Variants in SEMA3D observed in about 807,000 individuals in gnomAD.
The protein encoded by SEMA3D is semaphorin 3D, also known as semaphorin-3D.
SEMA3D carries 84 observed loss-of-function variants against 100.1 expected under a neutral mutation model. The observed-to-expected ratio is 0.84, with a 90% CI of 0.70 to 1.01. The LOEUF (loss-of-function observed/expected upper bound fraction) is 1.01. Among genes scored for constraint, SEMA3D ranks in the 50% least tolerant of loss-of-function variants. The probability of loss-of-function intolerance (pLI) is 0.00; values close to 1 mark genes in which losing one functional copy is unlikely to be tolerated. For synonymous variants in SEMA3D, 312 were observed against 320.7 expected (o/e 0.97, Z 0.29); for missense variants, 875 against 934.1 (o/e 0.94, Z 0.82).
At chr7:85,013,161 A>C (rs1310631877) in intron 16 of SEMA3D, among the ~76,000 whole-genome samples, 2 of 151,776 alleles carry the variant, frequency 1.3e-5, no homozygotes, top group Admixed American at 1.3e-4. Context: ...GTTTTATATA[A>C]TTAAAATGAG....
At chr7:85,231,502 CAGT>C in the SEMA3D span, among the ~76,000 whole-genome samples, 71,401 of 140,042 alleles carry the variant, frequency 0.51, 19,392 homozygotes, top group East Asian at 0.93. Context: ...GGCTGGAGTG[CAGT>C]AGTGGGGCGA....
At chr7:85,125,744 A>C (rs781518650) in intron 2 of SEMA3D, among the ~76,000 whole-genome samples, 4 of 151,890 alleles carry the variant, frequency 2.6e-5, no homozygotes, top group Non-Finnish European at 5.9e-5. Context: ...ACGTCTTGCC[A>C]ACAACCTCCT....
chr7:85,175,054 G>A lies in SEMA3D; in HGVS notation c.-173+11624C>T, dbSNP rs1289885510. Among the ~76,000 whole-genome samples the A allele has an allele frequency of 2.0e-5, 3 of 152,094 alleles. 1 individual carries two copies. Among genetic ancestry groups the A allele is most frequent in the East Asian group, 3.9e-4 (2 of 5,190 alleles). On this transcript the variant is annotated intron_variant, in intron 1 of 18. Transcript: ENST00000284136. ...GTACGATTATTGAATGTAATAAAGG[G>A]TTGCAATTATACAAAAGAATGATTG...
intron 4 of SEMA3D, among the ~76,000 whole-genome samples, chr7:85,097,317 A>C (rs995519919): frequency 3.3e-5 from 5 of 151,846 alleles, no homozygotes; most frequent in African/African-American, 1.2e-4. Context: ...GACTTGTAGG[A>C]GAAACCTGTT....
upstream of SEMA3D, among the ~76,000 whole-genome samples, chr7:85,189,458 A>C (rs1392548868): frequency 6.6e-6 from 1 of 152,198 alleles, no homozygotes; most frequent in South Asian, 2.1e-4. Context: ...AATTCTTAAA[A>C]TAAAACCCAG....
intron 1 of SEMA3D, among the ~76,000 whole-genome samples, chr7:85,158,081 T>A (rs548856470): frequency 6.6e-6 from 1 of 152,218 alleles, no homozygotes; most frequent in South Asian, 2.1e-4. Flanking sequence ...CTCAGGACCG[T>A]GTGATTATTG....
intron 3 of SEMA3D, among the ~76,000 whole-genome samples, chr7:85,099,546 T>C (rs1788680237): frequency 6.6e-6 from 1 of 151,916 alleles, no homozygotes; most frequent in Non-Finnish European, 1.5e-5. Flanking sequence ...GTTGAGTAAA[T>C]ATTATACTAA....
At chr7:85,199,585 C>G in the SEMA3D span, among the ~76,000 whole-genome samples, 1 of 152,064 alleles carries the variant, frequency 6.6e-6, no homozygotes, top group Non-Finnish European at 1.5e-5. Flanking sequence ...TCAAATACAC[C>G]TTCACCCATT....
intron 18 of SEMA3D, among the ~76,000 whole-genome samples, chr7:85,003,532 T>G (rs1325591641): frequency 6.6e-6 from 1 of 151,936 alleles, no homozygotes; most frequent in African/African-American, 2.4e-5. Flanking sequence ...AATCAACAGA[T>G]TTGCCTATAT....
chr7:85,110,405 A>G (rs754941843), intron 3 of SEMA3D, among the ~76,000 whole-genome samples: 9 of 151,966 alleles, frequency 5.9e-5, no homozygotes, highest in Non-Finnish European at 1.2e-4. Flanking sequence ...CCCTAGCATT[A>G]TTATTTAATC....
chr7:85,070,055 A>G (rs752839676), intron 6 of SEMA3D, among the ~76,000 whole-genome samples: 37 of 152,312 alleles, frequency 2.4e-4, no homozygotes, highest in Middle Eastern at 3.4e-3. Flanking sequence ...AATAGTTACT[A>G]TTATCATTAT....
At chr7:85,029,457 A>G (rs1038525215) in intron 12 of SEMA3D, 1 of 739,416 alleles carries the variant, frequency 1.4e-6, no homozygotes, top group Non-Finnish European at 2.5e-6. Flanking sequence ...ATGAGCACAA[A>G]CAGAAGATTC....
At chr7:85,178,755 A>G (rs1261486094) in intron 1 of SEMA3D, among the ~76,000 whole-genome samples, 1 of 152,198 alleles carries the variant, frequency 6.6e-6, no homozygotes, top group African/African-American at 2.4e-5. Flanking sequence ...ACATGAAGAC[A>G]ATGGGGAAAT....
At chr7:85,107,837 T>A (rs1194690619) in intron 3 of SEMA3D, among the ~76,000 whole-genome samples, 1 of 152,062 alleles carries the variant, frequency 6.6e-6, no homozygotes, top group Non-Finnish European at 1.5e-5. Context: ...CGTTCTTGAA[T>A]ATATTTATTC....
intron 2 of SEMA3D, among the ~76,000 whole-genome samples, chr7:85,145,535 T>G (rs1199229060): frequency 6.6e-6 from 1 of 151,876 alleles, no homozygotes; most frequent in Non-Finnish European, 1.5e-5. Flanking sequence ...CTACAACTCA[T>G]AGATAAGAAC....
chr7:85,136,167 C>G (rs1044788240), intron 2 of SEMA3D, among the ~76,000 whole-genome samples: 1 of 152,008 alleles, frequency 6.6e-6, no homozygotes, highest in Non-Finnish European at 1.5e-5. Context: ...ATGCGTGTGT[C>G]CTTTGGAATG....
Position 85,181,816 on chromosome 7 carries a change from G to T in SEMA3D, c.-173+4862C>A, listed in dbSNP as rs189349257. On this transcript the variant is annotated intron_variant, in intron 1 of 18. Transcript: ENST00000284136. ...CTAGTTAAAGATGACCTGGTTGATG[G>T]CTGTTAAAATTATGAAACATGAACA... The T allele has an allele frequency of 2.5e-4, 234 of 941,196 alleles. No homozygotes were observed. The African/African-American group carries it at 3.6e-3, about 15-fold the overall frequency. The allele number at this position is 941,196 out of a possible 1,614,324, so 58.3% of individuals were successfully genotyped here. A position where few individuals can be genotyped will look rare whatever the true frequency, so the allele number is the denominator to read the frequency against.
the SEMA3D span, among the ~76,000 whole-genome samples, chr7:85,234,640 T>A: frequency 2.0e-5 from 3 of 152,180 alleles, no homozygotes; most frequent in East Asian, 5.8e-4. Flanking sequence ...AAGTGAAAAC[T>A]TTTTACTCTC....
At chr7:85,218,264 C>A in the SEMA3D span, among the ~76,000 whole-genome samples, 1 of 152,006 alleles carries the variant, frequency 6.6e-6, no homozygotes, top group East Asian at 1.9e-4. Context: ...TAAAAACTAT[C>A]AAAATGTATT....
Sources: gnomAD v4.1 joint callset for allele counts (sites outside exome capture counted in the v4.1 genomes callset) on GRCh38, gnomAD v4.1.1 for gene constraint, MANE v1.5 for transcripts, NCBI Gene and HGNC (gene_info 2026-07-23, HGNC 2026-07-21) for gene names.